The following PIGF variants were observed in gnomAD, a reference collection of about 807,000 sequenced individuals.
PIGF encodes the protein GPI ethanolamine phosphate transferase, stabilizing subunit.
In PIGF, 23 loss-of-function variants were observed where a neutral mutation model predicts 26.0. That is an observed-to-expected ratio of 0.88 (90% CI 0.64 to 1.25). The LOEUF (loss-of-function observed/expected upper bound fraction) is 1.25. PIGF is among the 50% of genes most tolerant of loss of function. PIGF has a pLI of 0.00. For synonymous variants in PIGF, 93 were observed against 92.6 expected, an observed-to-expected ratio of 1.00 and a Z score of -0.03; for missense variants, 278 against 249.9, an observed-to-expected ratio of 1.11 and a Z score of -0.76.
At chr2:46,616,614 G>C (rs905091971) in intron 1 of PIGF, 3 of 153,936 alleles carry the variant, frequency 1.9e-5, no homozygotes, top group African/African-American at 4.8e-5. Context: ...TCTTCCGAGC[G>C]GCACCCAGAG....
rs145901932 is a variant in PIGF, at chr2:46,590,921, G to A, written c.546+1554C>T. 4.4e-3 allele frequency among the ~76,000 whole-genome samples: 671 copies of A among 152,240 alleles called. 6 individuals carry two copies. The highest frequency in any genetic ancestry group is 0.015 in the African/African-American group (624 of 41,546). On this transcript the variant is annotated intron_variant, in intron 5 of 5. Transcript: ENST00000281382. ...AACAATTTGACTTTCGGGGAGACAC[G>A]ACATCTAACTGAAAGCACAAAGAAT...
chr2:46,591,214 T>A lies in PIGF; in HGVS notation c.546+1261A>T, dbSNP rs190146273. 9.2e-5 allele frequency among the ~76,000 whole-genome samples: 14 copies of A among 152,268 alleles called. No individual in the cohort carries two copies. The East Asian group carries it at 2.7e-3, about 29-fold the overall frequency. Reference sequence around the variant, plus strand: ...CACAAATAATCGAATATTACATATATGTAAGTTTTCATTGACATAGAATGA... The same window carrying A: ...CACAAATAATCGAATATTACATATAAGTAAGTTTTCATTGACATAGAATGA... On this transcript the variant is annotated intron_variant, in intron 5 of 5. Transcript: ENST00000281382.
At chr2:46,615,434 T>A (rs1337476444) in intron 1 of PIGF, 1 of 299,822 alleles carries the variant, frequency 3.3e-6, no homozygotes, top group Non-Finnish European at 6.4e-6. Flanking sequence ...TTCTTAAATA[T>A]TGTGACTGGT....
rs1053513829 is a variant in PIGF at position 46,589,545 on chromosome 2, G to A, written c.546+2930C>T. On this transcript the variant is annotated intron_variant, in intron 5 of 5. Transcript: ENST00000281382. The surrounding 1 kb of genome is among the most constrained non-coding windows in gnomAD (Gnocchi z 4.7). The stretch of plus-strand genomic sequence containing the variant: ...TTTTAAAGGTACAATTGCTTAACCA[G>A]ATATTCCTGTTTCTCTGACTGGAAT... Among the ~76,000 whole-genome samples, 2 of 151,800 alleles carry A rather than the reference G, an allele frequency of 1.3e-5. No individual in the cohort carries two copies. Among genetic ancestry groups the A allele is most frequent in the Non-Finnish European group, 2.9e-5 (2 of 67,872 alleles).
In PIGF at chr2:46,608,754, G is replaced by A. The variant is rs1028980242; in HGVS notation, c.437+3474C>T. Among the ~76,000 whole-genome samples, 18 of 152,242 alleles carry A rather than the reference G, an allele frequency of 1.2e-4. No homozygotes were observed. The East Asian group carries it at 3.5e-3, about 29-fold the overall frequency. On this transcript the variant is annotated intron_variant, in intron 4 of 5. Transcript: ENST00000281382. ...GGGTGACTAGGCACATTGTCAATGA[G>A]CAGCAATATTTTGAAAGGATTTTTT...
intron 4 of PIGF, among the ~76,000 whole-genome samples, chr2:46,609,295 C>A (rs972043676): frequency 3.3e-5 from 5 of 152,318 alleles, no homozygotes; most frequent in Admixed American, 2.0e-4. Flanking sequence ...TCAGCCTTCA[C>A]AGAAATGAAG....
rs531181845 is a variant in PIGF at position 46,581,683 on chromosome 2, A to C, written c.547-92T>G. ...CCTAAATATTTCTATATTAAAGCTT[A>C]ATGTGCTTTCTTAAAGAATGCCAAA... On this transcript the variant is annotated intron_variant, in intron 5 of 5. Transcript: ENST00000281382. 6.7e-6 allele frequency: 10 copies of C among 1,485,194 alleles called. No individual in the cohort carries two copies. The South Asian group carries it at 1.3e-4, about 19-fold the overall frequency. 92.0% of individuals were successfully genotyped at this position (1,485,194 alleles called of 1,614,324 possible).
intron 4 of PIGF, among the ~76,000 whole-genome samples, chr2:46,600,962 T>C (rs898039828): frequency 6.6e-6 from 1 of 151,940 alleles, no homozygotes; most frequent in African/African-American, 2.4e-5. Flanking sequence ...AATCTGCTAG[T>C]TGTTCATTGC....
At chr2:46,593,470 C>T (rs572681357) in intron 4 of PIGF, among the ~76,000 whole-genome samples, 11 of 152,294 alleles carry the variant, frequency 7.2e-5, no homozygotes, top group African/African-American at 2.6e-4. Context: ...TTTATATAAA[C>T]CAATTCAATT....
At chr2:46,591,882 G>A in intron 5 of PIGF, 1 of 1,303,820 alleles carries the variant, frequency 7.7e-7, no homozygotes, top group Non-Finnish European at 1.0e-6. Context: ...GAGCTTTCTT[G>A]ATAACACAGG....
intron 3 of PIGF, 38 bp downstream of exon 3, chr2:46,613,656 T>G: frequency 7.0e-7 from 1 of 1,421,622 alleles, no homozygotes; most frequent in Non-Finnish European, 9.5e-7. Flanking sequence ...AAATGAATGT[T>G]TTAAAATATA....
rs1446976282 is a variant in PIGF, at chr2:46,614,921, G to C, written c.228+16C>G. Reference sequence around the variant, plus strand: ...TAGCTCCATCCAAAAATCAGTTATTGAGACATAAGCCTTACCTTGTGTGAT... The same window carrying C: ...TAGCTCCATCCAAAAATCAGTTATTCAGACATAAGCCTTACCTTGTGTGAT... On this transcript the variant is annotated intron_variant, in intron 2 of 5. Coordinates refer to ENST00000281382, the MANE Select transcript of PIGF (RefSeq NM_002643.4). The C allele has an allele frequency of 3.4e-6, 4 of 1,175,004 alleles. No individual in the cohort carries two copies. Among genetic ancestry groups the C allele is most frequent in the East Asian group, 4.7e-5 (2 of 42,710 alleles). The allele number at this position is 1,175,004 out of a possible 1,614,324, so 72.8% of individuals were successfully genotyped here.
chr2:46,610,141 G>A (rs1473678704), intron 4 of PIGF, among the ~76,000 whole-genome samples: 4 of 152,162 alleles, frequency 2.6e-5, no homozygotes, highest in Non-Finnish European at 5.9e-5. Flanking sequence ...TGTCACTGAT[G>A]AATTGTTTTA....
intron 1 of PIGF, chr2:46,616,388 T>G (rs1400948285): frequency 1.3e-5 from 2 of 152,414 alleles, no homozygotes; most frequent in African/African-American, 4.8e-5. Flanking sequence ...GCGATTTTTC[T>G]GAGCCACCCT....
In PIGF at chr2:46,592,545, G is replaced by A. The variant is rs142641533; in HGVS notation, c.476C>T (p.Thr159Ile). Residue 159 changes from threonine (T) to isoleucine (I), a missense_variant, in exon 5 of 6, where the codon ACA becomes ATA. Physicochemically the swap from Thr to Ile is moderately conservative, Grantham distance 89. Coordinates refer to ENST00000281382, the MANE Select transcript of PIGF (RefSeq NM_002643.4). ...SIWENSLQITTISSFVGAWLG... is the reference protein window; with the variant it reads ...SIWENSLQITIISSFVGAWLG... ...CCATGCTCCTACAAAGCTAGAAATT[G>A]TAGTGATCTGGAGACTATTCTCCCA... The A allele has an allele frequency of 3.9e-5, 62 of 1,607,214 alleles. No individual in the cohort carries two copies. In the South Asian group the frequency reaches 6.4e-4, roughly 17 times the overall value.
intron 2 of PIGF, chr2:46,614,249 C>G (rs1177256403): frequency 6.5e-6 from 1 of 153,004 alleles, no homozygotes; most frequent in East Asian, 1.9e-4. Context: ...TGAAATCACA[C>G]TCATATTACA....
rs186557281 is a variant in PIGF, at chr2:46,608,160, G to T, written c.437+4068C>A. Among the ~76,000 whole-genome samples, 11 of 152,226 alleles carry T rather than the reference G, an allele frequency of 7.2e-5. No homozygotes were observed. In the East Asian group the frequency reaches 2.1e-3, roughly 29 times the overall value. On this transcript the variant is annotated intron_variant, in intron 4 of 5. Coordinates refer to ENST00000281382, the MANE Select transcript of PIGF (RefSeq NM_002643.4). ...GTCAACCCTCTCAAACCCTGCCATT[G>T]CTTTGCTTTATTAACTAAGTTTATG...
chr2:46,611,972 TTA>T (rs1242223398), intron 4 of PIGF, among the ~76,000 whole-genome samples: 1 of 151,758 alleles, frequency 6.6e-6, no homozygotes, highest in Non-Finnish European at 1.5e-5. Flanking sequence ...CTTTTTTTTT[TTA>T]AACAAACAAA....
At chr2:46,595,178 T>C (rs1669845527) in intron 4 of PIGF, among the ~76,000 whole-genome samples, 2 of 152,200 alleles carry the variant, frequency 1.3e-5, no homozygotes, top group South Asian at 4.1e-4. Flanking sequence ...TTTTAGTATA[T>C]TCACAGAGTC....
Sources: gnomAD v4.1 joint callset for allele counts (sites outside exome capture counted in the v4.1 genomes callset) on GRCh38, gnomAD v4.1.1 for gene constraint, Gnocchi (gnomAD v3.1) non-coding constraint, MANE v1.5 for transcripts, NCBI Gene and HGNC (gene_info 2026-07-23, HGNC 2026-07-21) for gene names.